SIPA1L1: variants seen among roughly 807,000 people sequenced by gnomAD.
SIPA1L1 encodes signal-induced proliferation-associated 1-like protein 1.
In SIPA1L1, 26 loss-of-function variants were observed where a neutral mutation model predicts 162.7. That is an observed-to-expected ratio of 0.16 (90% CI 0.12 to 0.22). The LOEUF (loss-of-function observed/expected upper bound fraction) is 0.22, where lower values mean the gene tolerates loss of function less well. SIPA1L1 is among the 10% of genes least tolerant of loss of function. The pLI, the probability that SIPA1L1 is intolerant of heterozygous loss-of-function variation, is 1.00. For missense variants in SIPA1L1, 1,874 were observed against 2,241.0 expected (o/e 0.84, Z 3.31); for synonymous variants, 829 against 837.4 (o/e 0.99, Z 0.17).
chr14:71,543,471 T>C lies in SIPA1L1; in HGVS notation c.-303+14101T>C, dbSNP rs534935696. Among the ~76,000 whole-genome samples, 4 of 152,316 alleles carry C rather than the reference T, an allele frequency of 2.6e-5. No homozygotes were observed. In the East Asian group the frequency reaches 7.7e-4, roughly 29 times the overall value. On this transcript the variant is annotated intron_variant, in intron 4 of 23. Coordinates refer to ENST00000381232, the MANE Select transcript of SIPA1L1 (RefSeq NM_001386936.1). ...TATGTAAGAAACTGCCCAACTGTTT[T>C]TCTGAAATGGCTGTGCCATGTTATA...
At chr14:71,411,546 C>T (rs1410928530) in intron 2 of SIPA1L1, among the ~76,000 whole-genome samples, 1 of 152,184 alleles carries the variant, frequency 6.6e-6, no homozygotes, top group African/African-American at 2.4e-5. Flanking sequence ...CACCTTGAAT[C>T]TAGAACTTAT....
At chr14:71,421,686 T>C (rs2043197079) in intron 2 of SIPA1L1, among the ~76,000 whole-genome samples, 1 of 152,234 alleles carries the variant, frequency 6.6e-6, no homozygotes. Context: ...CTTTCCTCCT[T>C]GACTCCCTCC....
Position 71,738,228 on chromosome 14 carries a change from T to TGG in SIPA1L1, c.5124-13_5124-12insGG. ...GGCCCCTGCCAACATGGTCTTTTGTTTCTTGTTCCCAGCAGTAAAGACTCC... is the reference window on the plus strand; with the variant it reads ...GGCCCCTGCCAACATGGTCTTTTGTTGGTCTTGTTCCCAGCAGTAAAGACTCC... On this transcript the variant is annotated splice_polypyrimidine_tract_variant and intron_variant, in intron 22 of 23. Coordinates refer to ENST00000381232, the MANE Select transcript of SIPA1L1 (RefSeq NM_001386936.1). 12 of 1,590,900 alleles carry TGG rather than the reference T, an allele frequency of 7.5e-6. No homozygotes were observed. Among genetic ancestry groups the TGG allele is most frequent in the Non-Finnish European group, 1.0e-5 (12 of 1,162,446 alleles).
intron 13 of SIPA1L1, among the ~76,000 whole-genome samples, chr14:71,691,720 G>A (rs1308715716): frequency 6.6e-6 from 1 of 151,986 alleles, no homozygotes; most frequent in African/African-American, 2.4e-5. Flanking sequence ...GCCTTTTTAG[G>A]AGCTCCTCTA....
intron 10 of SIPA1L1, among the ~76,000 whole-genome samples, chr14:71,664,300 G>A (rs1295123022): frequency 1.3e-5 from 2 of 152,136 alleles, no homozygotes; most frequent in Admixed American, 6.5e-5. Context: ...GGGTGGTTTG[G>A]TGGAAAAACT....
intron 8 of SIPA1L1, among the ~76,000 whole-genome samples, chr14:71,654,243 C>G (rs1181758958): frequency 6.6e-6 from 1 of 152,134 alleles, no homozygotes; most frequent in Non-Finnish European, 1.5e-5. Context: ...CAGGCTGGAA[C>G]AATTCTGCAA....
chr14:71,337,723 A>G (rs1251951694), intron 2 of SIPA1L1, among the ~76,000 whole-genome samples: 1 of 152,162 alleles, frequency 6.6e-6, no homozygotes, highest in Non-Finnish European at 1.5e-5. Context: ...AGAGGCTGAG[A>G]TGGATGGTTC....
chr14:71,500,689 A>G (rs2050137135), intron 2 of SIPA1L1, among the ~76,000 whole-genome samples: 1 of 152,246 alleles, frequency 6.6e-6, no homozygotes, highest in African/African-American at 2.4e-5. Flanking sequence ...GCATCAAACT[A>G]GAATAGAACA....
intron 17 of SIPA1L1, among the ~76,000 whole-genome samples, chr14:71,717,202 T>C (rs552339585): frequency 2.0e-5 from 3 of 152,300 alleles, no homozygotes; most frequent in Non-Finnish European, 4.4e-5. Flanking sequence ...CCGACCTCTT[T>C]TATATGGGGT....
chr14:71,362,932 A>AT (rs1273851606), intron 2 of SIPA1L1, among the ~76,000 whole-genome samples: 1 of 152,208 alleles, frequency 6.6e-6, no homozygotes, highest in Non-Finnish European at 1.5e-5. Context: ...CTCCAGACAG[A>AT]TTTCCATCTG....
chr14:71,664,610 T>C (rs577875164), intron 10 of SIPA1L1, among the ~76,000 whole-genome samples: 1 of 152,332 alleles, frequency 6.6e-6, no homozygotes, highest in South Asian at 2.1e-4. Context: ...AAATTATTTT[T>C]AGCTATAGTC....
intron 2 of SIPA1L1, among the ~76,000 whole-genome samples, chr14:71,360,319 A>G (rs2037686819): frequency 6.6e-6 from 1 of 152,226 alleles, no homozygotes; most frequent in African/African-American, 2.4e-5. Context: ...ATGATAGATA[A>G]TGTCTTAGGA....
chr14:71,361,551 A>G (rs1269612078), intron 2 of SIPA1L1, among the ~76,000 whole-genome samples: 1 of 152,208 alleles, frequency 6.6e-6, no homozygotes, highest in Non-Finnish European at 1.5e-5. Flanking sequence ...CTGTGTGACT[A>G]CCAGATAAGT....
At chr14:71,577,030 C>A (rs1165994138) in intron 4 of SIPA1L1, among the ~76,000 whole-genome samples, 1 of 142,046 alleles carries the variant, frequency 7.0e-6, no homozygotes, top group Non-Finnish European at 1.5e-5. Context: ...TTGCAGTGAG[C>A]TGAGATCATG....
chr14:71,398,762 G>T (rs1223729786), intron 2 of SIPA1L1, among the ~76,000 whole-genome samples: 1 of 152,148 alleles, frequency 6.6e-6, no homozygotes, highest in Non-Finnish European at 1.5e-5. Context: ...GAACTTTGTG[G>T]TCTTTTGCTG....
chr14:71,411,389 A>T (rs2042393261), intron 2 of SIPA1L1, among the ~76,000 whole-genome samples: 1 of 152,070 alleles, frequency 6.6e-6, no homozygotes, highest in Non-Finnish European at 1.5e-5. Flanking sequence ...TCTTTGTAGC[A>T]TTGCTTTGTT....
chr14:71,571,273 G>A (rs2031951531), intron 4 of SIPA1L1, among the ~76,000 whole-genome samples: 1 of 152,100 alleles, frequency 6.6e-6, no homozygotes, highest in African/African-American at 2.4e-5. Flanking sequence ...ATAAGAAAGT[G>A]TTCAGGTGGC....
intron 2 of SIPA1L1, among the ~76,000 whole-genome samples, chr14:71,364,839 G>T (rs947762864): frequency 6.6e-6 from 1 of 151,730 alleles, no homozygotes; most frequent in African/African-American, 2.4e-5. Flanking sequence ...TCTGCCTCCT[G>T]GGCTCAAGCG....
intron 2 of SIPA1L1, among the ~76,000 whole-genome samples, chr14:71,353,435 C>G (rs756823488): frequency 6.6e-6 from 1 of 152,110 alleles, no homozygotes; most frequent in Non-Finnish European, 1.5e-5. Context: ...AATGGAGGAG[C>G]GGAGATGAGC....
Sources: gnomAD v4.1 joint callset for allele counts (sites outside exome capture counted in the v4.1 genomes callset) on GRCh38, gnomAD v4.1.1 for gene constraint, MANE v1.5 for transcripts, NCBI Gene and HGNC (gene_info 2026-07-23, HGNC 2026-07-21) for gene names.